Variants in NXPH1 observed in about 807,000 individuals in gnomAD.
NXPH1 encodes the protein neurexophilin 1.
A neutral mutation model predicts 23.7 loss-of-function variants in NXPH1; 5 were observed. The observed-to-expected ratio is 0.21, with a 90% CI of 0.11 to 0.44. The LOEUF is 0.44. NXPH1 is among the 20% of genes least tolerant of loss of function. The probability of loss-of-function intolerance (pLI) is 0.99; values close to 1 mark genes in which losing one functional copy is unlikely to be tolerated. For synonymous variants in NXPH1, 144 were observed against 122.2 expected (o/e 1.18, Z -1.18); for missense variants, 324 against 321.6 (o/e 1.01, Z -0.06).
chr7:8,750,622 T>C (rs1451014011), intron 2 of NXPH1, among the ~76,000 whole-genome samples: 1 of 152,244 alleles, frequency 6.6e-6, no homozygotes, highest in Non-Finnish European at 1.5e-5. Context: ...CTTTGGTTTA[T>C]ATTTGAATTT....
intron 2 of NXPH1, among the ~76,000 whole-genome samples, chr7:8,503,485 G>T (rs1163756629): frequency 6.6e-6 from 1 of 151,938 alleles, no homozygotes; most frequent in Non-Finnish European, 1.5e-5. Context: ...TACATTTACA[G>T]ACATCTTTAA....
intron 2 of NXPH1, among the ~76,000 whole-genome samples, chr7:8,486,562 T>C (rs1185274983): frequency 1.3e-5 from 2 of 152,186 alleles, no homozygotes; most frequent in Non-Finnish European, 2.9e-5. Flanking sequence ...TTCTCAATCA[T>C]TGTTTCCTCA....
intron 2 of NXPH1, among the ~76,000 whole-genome samples, chr7:8,550,788 C>T (rs1396026252): frequency 6.6e-6 from 1 of 151,400 alleles, no homozygotes; most frequent in Admixed American, 6.6e-5. Flanking sequence ...GAATAGTTCT[C>T]CAGGTTGTTA....
intron 2 of NXPH1, among the ~76,000 whole-genome samples, chr7:8,584,490 A>G (rs1255713427): frequency 6.6e-6 from 1 of 152,202 alleles, no homozygotes; most frequent in Non-Finnish European, 1.5e-5. Context: ...TAAAAGATGA[A>G]TAAGATTTCC....
chr7:8,509,396 G>A (rs76855160), intron 2 of NXPH1, among the ~76,000 whole-genome samples: 3,520 of 152,226 alleles, frequency 0.023, 65 homozygotes, highest in Middle Eastern at 0.048. Context: ...TCCAAAGACA[G>A]TGTTAACTTG....
chr7:8,446,110 T>C (rs1563312435), intron 2 of NXPH1, among the ~76,000 whole-genome samples: 1 of 152,222 alleles, frequency 6.6e-6, no homozygotes, highest in African/African-American at 2.4e-5. Context: ...ATATTGCATC[T>C]ACTTAAAATA....
chr7:8,659,748 G>A (rs12668682), intron 2 of NXPH1, among the ~76,000 whole-genome samples: 94,789 of 150,678 alleles, frequency 0.63, 30,375 homozygotes, highest in East Asian at 0.75. Flanking sequence ...AAATAATAAT[G>A]AAAGAAATTT....
Position 8,627,666 on chromosome 7 carries a change from C to T in NXPH1, c.55-123342C>T, listed in dbSNP as rs576105106. On this transcript the variant is annotated intron_variant, in intron 2 of 2. Transcript: ENST00000405863. The stretch of plus-strand genomic sequence containing the variant: ...CCGTGGCAATGAGATTCATTGGTTT[C>T]CAGAGAGTTGCATTTTGACTTTTAA... Among the ~76,000 whole-genome samples the T allele has an allele frequency of 4.6e-5, 7 of 152,140 alleles. No individual in the cohort carries two copies. In the East Asian group the frequency reaches 7.7e-4, roughly 17 times the overall value.
intron 2 of NXPH1, among the ~76,000 whole-genome samples, chr7:8,663,872 C>T (rs542450794): frequency 6.6e-6 from 1 of 152,128 alleles, no homozygotes; most frequent in African/African-American, 2.4e-5. Context: ...ACCCTCTAAT[C>T]GTAATCCTTA....
intron 2 of NXPH1, among the ~76,000 whole-genome samples, chr7:8,709,438 T>A (rs1479778107): frequency 6.6e-6 from 1 of 152,168 alleles, no homozygotes; most frequent in Non-Finnish European, 1.5e-5. Flanking sequence ...TTATATAACT[T>A]GAGCATTGCA....
chr7:8,449,924 T>C (rs1444880308), intron 2 of NXPH1, among the ~76,000 whole-genome samples: 1 of 152,186 alleles, frequency 6.6e-6, no homozygotes, highest in Non-Finnish European at 1.5e-5. Context: ...AATGCAAGCT[T>C]GATATTGATG....
intron 2 of NXPH1, among the ~76,000 whole-genome samples, chr7:8,748,767 G>T (rs949931774): frequency 6.6e-6 from 1 of 152,160 alleles, no homozygotes; most frequent in Non-Finnish European, 1.5e-5. Context: ...GCTGTCATGG[G>T]ATACAAACGC....
chr7:8,541,742 A>C (rs939880158), intron 2 of NXPH1, among the ~76,000 whole-genome samples: 1 of 151,684 alleles, frequency 6.6e-6, no homozygotes, highest in Non-Finnish European at 1.5e-5. Flanking sequence ...GGGAAAATGG[A>C]AGTATATTAA....
intron 2 of NXPH1, among the ~76,000 whole-genome samples, chr7:8,572,881 C>T (rs1818677108): frequency 6.6e-6 from 1 of 151,630 alleles, no homozygotes; most frequent in Admixed American, 6.6e-5. Flanking sequence ...TTGAGAAGGT[C>T]TTACAGAGGG....
chr7:8,522,888 C>A (rs1221228587), intron 2 of NXPH1, among the ~76,000 whole-genome samples: 1 of 152,164 alleles, frequency 6.6e-6, no homozygotes, highest in Non-Finnish European at 1.5e-5. Context: ...CATGGGGCTT[C>A]CCCTTAGAAA....
chr7:8,749,407 T>C (rs1297829286), intron 2 of NXPH1, among the ~76,000 whole-genome samples: 1 of 152,166 alleles, frequency 6.6e-6, no homozygotes, highest in Non-Finnish European at 1.5e-5. Context: ...GAATTTATGG[T>C]CTTGCTCTCC....
At chr7:8,707,646 G>C (rs1301308709) in intron 2 of NXPH1, among the ~76,000 whole-genome samples, 1 of 151,934 alleles carries the variant, frequency 6.6e-6, no homozygotes, top group Non-Finnish European at 1.5e-5. Context: ...AGGTCAGTTT[G>C]AATAATGATA....
intron 2 of NXPH1, among the ~76,000 whole-genome samples, chr7:8,683,545 A>G (rs542513179): frequency 8.5e-5 from 13 of 152,204 alleles, no homozygotes; most frequent in Admixed American, 6.5e-4. Flanking sequence ...GATTCAGCCC[A>G]GTGTGCTTTC....
chr7:8,509,955 G>A (rs1221619402), intron 2 of NXPH1, among the ~76,000 whole-genome samples: 2 of 152,160 alleles, frequency 1.3e-5, no homozygotes, highest in Middle Eastern at 3.2e-3. Context: ...GAAAAAGTGA[G>A]TGAAAAATCC....
Sources: gnomAD v4.1 joint callset for allele counts (sites outside exome capture counted in the v4.1 genomes callset) on GRCh38, gnomAD v4.1.1 for gene constraint, MANE v1.5 for transcripts, NCBI Gene and HGNC (gene_info 2026-07-23, HGNC 2026-07-21) for gene names.